S100G: variants seen among roughly 807,000 people sequenced by gnomAD.
S100G encodes S100 calcium binding protein G.
S100G carries 4 observed loss-of-function variants against 4.4 expected under a neutral mutation model. That is an observed-to-expected ratio of 0.91 (90% CI 0.45 to 2.09). The LOEUF is 2.09. Among genes scored for constraint, S100G ranks in the 30% most tolerant of loss-of-function variants. The probability of loss-of-function intolerance (pLI) is 0.03; values close to 1 mark genes in which losing one functional copy is unlikely to be tolerated. For missense variants in S100G, 48 were observed against 49.8 expected, an observed-to-expected ratio of 0.96 and a Z score of 0.11; for synonymous variants, 24 against 20.1, an observed-to-expected ratio of 1.20 and a Z score of -0.53.
rs1187784474 is a variant in S100G at position 16,654,642 on chromosome X, A to T, written c.*133A>T. On this transcript the variant is annotated 3_prime_UTR_variant, in exon 3 of 3. Coordinates refer to ENST00000380200, the MANE Select transcript of S100G (RefSeq NM_004057.3). ...AATAACCTGGCTGTGAGGTTCAGTT[A>T]TTATTAATAAAGAAATTATTAGACA... The T allele has an allele frequency of 8.1e-6, 3 of 368,409 alleles. No homozygotes were observed. The highest frequency in any genetic ancestry group is 4.8e-6 in the Non-Finnish European group (1 of 209,048). 30.4% of individuals were successfully genotyped at this position (368,409 alleles called of 1,213,427 possible).
chrX:16,654,171 T>C (rs1211096270), intron 2 of S100G, among the ~76,000 whole-genome samples: 1 of 112,588 alleles, frequency 8.9e-6, no homozygotes, highest in African/African-American at 3.2e-5. Flanking sequence ...ACGCATTGTA[T>C]TAAAATAACA....
At chrX:16,652,499 C>G (rs1357783100) in intron 2 of S100G, among the ~76,000 whole-genome samples, 1 of 111,784 alleles carries the variant, frequency 8.9e-6, no homozygotes, top group African/African-American at 3.2e-5. Flanking sequence ...CACTTAAAGT[C>G]ACTAGCAGAA....
chrX:16,650,940 C>T, intron 1 of S100G, 59 bp from the exon 2 acceptor site: 1 of 1,045,084 alleles, frequency 9.6e-7, no homozygotes, highest in Non-Finnish European at 1.3e-6. Context: ...GCAGACAACC[C>T]TCAGCACAAA....
chrX:16,651,384 G>T (rs934632400), intron 2 of S100G, among the ~76,000 whole-genome samples: 2 of 111,724 alleles, frequency 1.8e-5, no homozygotes, highest in African/African-American at 6.5e-5. Flanking sequence ...CATAATAAAT[G>T]GAAGCAATGC....
At chrX:16,651,717 A>C (rs1477064865) in intron 2 of S100G, among the ~76,000 whole-genome samples, 1 of 112,377 alleles carries the variant, frequency 8.9e-6, no homozygotes, top group Non-Finnish European at 1.9e-5. Context: ...GAAAGGACTA[A>C]ATTTCCTGGG....
rs371033506 is a variant in S100G at position 16,654,402 on chromosome X, C to T, written c.136-3C>T. 7 of 1,143,174 alleles carry T rather than the reference C, an allele frequency of 6.1e-6. No homozygotes were observed. The highest frequency in any genetic ancestry group is 8.2e-6 in the Non-Finnish European group (7 of 850,002). 94.2% of individuals were successfully genotyped at this position (1,143,174 alleles called of 1,213,427 possible). ...TTCTCCCATCCTTTTTTATGTAAAA[C>T]AGGGTCCAAACACCCTAGATGATCT... On this transcript the variant is annotated splice_region_variant and splice_polypyrimidine_tract_variant and intron_variant, in intron 2 of 2. Transcript: ENST00000380200.
intron 2 of S100G, among the ~76,000 whole-genome samples, chrX:16,651,760 T>C (rs181241317): frequency 3.1e-4 from 35 of 111,458 alleles, no homozygotes; most frequent in African/African-American, 1.1e-3. Context: ...CACCCCAGAG[T>C]TGTCAAAATC....
rs777250867 is a variant in S100G, at chrX:16,652,366, A to G, written c.135+1225A>G. ...TTTAACCAGAAATGTCCCTTCTGCC[A>G]ATATGACAATTGGAAAGACTTCTGT... On this transcript the variant is annotated intron_variant, in intron 2 of 2. Transcript: ENST00000380200. 4.5e-5 allele frequency among the ~76,000 whole-genome samples: 5 copies of G among 112,052 alleles called. No individual in the cohort carries two copies. In the South Asian group the frequency reaches 1.1e-3, roughly 25 times the overall value.
chrX:16,651,443 C>T (rs1444894901), intron 2 of S100G, among the ~76,000 whole-genome samples: 1 of 111,669 alleles, frequency 9.0e-6, no homozygotes, highest in African/African-American at 3.3e-5. Context: ...CCCAATAAGG[C>T]CTTCAGCATG....
chrX:16,651,180 TGGTGGGAGG>T, intron 2 of S100G, 39 bp downstream of exon 2: 1 of 328,143 alleles, frequency 3.0e-6, no homozygotes, highest in Non-Finnish European at 5.9e-6. Flanking sequence ...ATGGGACTGA[TGGTGGGAGG>T]GGAGGGAGGG....
intron 2 of S100G, among the ~76,000 whole-genome samples, chrX:16,653,154 C>T (rs1412714286): frequency 9.0e-6 from 1 of 110,582 alleles, no homozygotes; most frequent in East Asian, 2.8e-4. Context: ...ACAAACTGAA[C>T]TGTTATTTCA....
chrX:16,653,766 G>A (rs1171129400), intron 2 of S100G, among the ~76,000 whole-genome samples: 1 of 112,300 alleles, frequency 8.9e-6, no homozygotes, highest in Non-Finnish European at 1.9e-5. Context: ...ATAGCTCAAC[G>A]TTTGGGAAAA....
At chrX:16,654,165 A>G (rs1030115371) in intron 2 of S100G, among the ~76,000 whole-genome samples, 6 of 112,620 alleles carry the variant, frequency 5.3e-5, no homozygotes, top group African/African-American at 1.3e-4. Flanking sequence ...TAAAATACGC[A>G]TTGTATTAAA....
At chrX:16,650,851 C>T (rs966128412) in intron 1 of S100G, 148 bp from the exon 2 acceptor site, 5 of 471,430 alleles carry the variant, frequency 1.1e-5, no homozygotes, top group Non-Finnish European at 1.8e-5. Flanking sequence ...GTTACTGGTG[C>T]CATTCCGACC....
At chrX:16,653,298 T>C (rs1286264891) in intron 2 of S100G, among the ~76,000 whole-genome samples, 1 of 111,197 alleles carries the variant, frequency 9.0e-6, no homozygotes, top group African/African-American at 3.3e-5. Context: ...AGTCCAGTAG[T>C]CAAAAAGCCT....
At chrX:16,651,203 G>A (rs1932611163) in intron 2 of S100G, 62 bp downstream of exon 2, 1 of 938,987 alleles carries the variant, frequency 1.1e-6, no homozygotes, top group Non-Finnish European at 1.5e-6. Context: ...GGGAGGGAGG[G>A]GAGAGGACTC....
intron 2 of S100G, among the ~76,000 whole-genome samples, chrX:16,653,971 T>A (rs927959901): frequency 9.0e-6 from 1 of 111,044 alleles, no homozygotes; most frequent in African/African-American, 3.3e-5. Context: ...CTGCCTCATG[T>A]AATATGTCAG....
intron 2 of S100G, among the ~76,000 whole-genome samples, chrX:16,653,882 G>C (rs958423338): frequency 1.8e-5 from 2 of 111,615 alleles, no homozygotes; most frequent in African/African-American, 3.3e-5. Context: ...GCCTGTCTCT[G>C]AGCCTGTTTC....
rs867917548 is a variant in S100G, at chrX:16,650,598, C to T, written c.-9+395C>T. 5.6e-4 allele frequency among the ~76,000 whole-genome samples: 58 copies of T among 104,263 alleles called. No homozygotes were observed. The Middle Eastern group carries it at 0.03, about 54-fold the overall frequency. 90.5% of individuals were successfully genotyped at this position (104,263 alleles called of 115,157 possible). ...GTGGCATCGCACTCACTGCAACCTCCGCCTCCCGGGTTCAAGCGATTCTCC... is the reference window on the plus strand; with the variant it reads ...GTGGCATCGCACTCACTGCAACCTCTGCCTCCCGGGTTCAAGCGATTCTCC... On this transcript the variant is annotated intron_variant, in intron 1 of 2. Coordinates refer to ENST00000380200, the MANE Select transcript of S100G (RefSeq NM_004057.3).
Sources: allele counts gnomAD v4.1 joint callset (sites outside exome capture counted in the v4.1 genomes callset), GRCh38; gene constraint gnomAD v4.1.1; transcripts MANE v1.5; gene names NCBI Gene and HGNC (gene_info 2026-07-23, HGNC 2026-07-21).